Variants in SLC36A2 observed in about 807,000 individuals in gnomAD.
SLC36A2 encodes proton-coupled amino acid transporter 2.
SLC36A2 carries 39 observed loss-of-function variants against 42.7 expected under a neutral mutation model. The ratio of observed to expected loss-of-function variants is 0.91; its 90% CI spans 0.71 to 1.19. The LOEUF is 1.19. Among genes scored for constraint, SLC36A2 ranks in the 50% most tolerant of loss-of-function variants. SLC36A2 has a pLI of 0.00. For missense variants in SLC36A2, 590 were observed against 613.7 expected, an observed-to-expected ratio of 0.96 and a Z score of 0.41; for synonymous variants, 237 against 240.8, an observed-to-expected ratio of 0.98 and a Z score of 0.15.
At chr5:151,335,232 C>A in intron 6 of SLC36A2, 97 bp downstream of exon 6, 3 of 845,244 alleles carry the variant, frequency 3.5e-6, no homozygotes, top group Non-Finnish European at 3.9e-6. Flanking sequence ...ACACTCTTAC[C>A]CACCTACAGG....
At position 151,339,086 on chromosome 5, in the gene SLC36A2, C is replaced by T; in HGVS notation, c.499G>A (p.Val167Met). The part of the protein sequence containing the change: ...TQLGFCCVYI[V>M]FLADNLKQVV... Reference sequence around the variant, plus strand: ...TGTTTTAAATTATCAGCCAAAAACACAATGTACACACAGCAGAAGCCAAGT... The same window carrying T: ...TGTTTTAAATTATCAGCCAAAAACATAATGTACACACAGCAGAAGCCAAGT... Residue 167 changes from valine to methionine, a missense_variant, in exon 5 of 10, where the codon GTG becomes ATG. Transcript: ENST00000335244. 1.6e-5 allele frequency: 25 copies of T among 1,610,568 alleles called. No homozygotes were observed. The highest frequency in any genetic ancestry group is 2.1e-5 in the Non-Finnish European group (25 of 1,177,566).
chr5:151,340,236 GGAGGAGGAGGGGGAAGAA>G (rs1580862678), intron 4 of SLC36A2, among the ~76,000 whole-genome samples: 1 of 148,980 alleles, frequency 6.7e-6, no homozygotes, highest in Non-Finnish European at 1.5e-5. Flanking sequence ...AGGAAGGGGA[GGAGGAGGAGGGGGAAGAA>G]GAGGAGGAGG....
rs1322483849 is a variant in SLC36A2, at chr5:151,316,175, A to C, written c.*642T>G. ...TTAGCTGGCTGCATCTCCTTTGGCC[A>C]GTTGCTGCCACTTGGGGCCCTCTGG... On this transcript the variant is annotated 3_prime_UTR_variant, in exon 10 of 10. Transcript: ENST00000335244. 1 of 153,248 alleles carries C rather than the reference A, an allele frequency of 6.5e-6. No individual in the cohort carries two copies. The highest frequency in any genetic ancestry group is 6.5e-5 in the Admixed American group (1 of 15,422). The allele number at this position is 153,248 out of a possible 1,614,324, so 9.5% of individuals were successfully genotyped here.
chr5:151,323,988 C>G lies in SLC36A2; in HGVS notation c.1010+1298G>C, dbSNP rs1297299343. Among the ~76,000 whole-genome samples the G allele has an allele frequency of 2.6e-5, 4 of 152,312 alleles. No individual in the cohort carries two copies. In the East Asian group the frequency reaches 7.7e-4, roughly 29 times the overall value. Reference sequence around the variant, plus strand: ...AAATGTCCTGTAATTAATGACATGACCTGGTGTGGGAGAAAATCCCGCACA... The same window carrying G: ...AAATGTCCTGTAATTAATGACATGAGCTGGTGTGGGAGAAAATCCCGCACA... On this transcript the variant is annotated intron_variant, in intron 8 of 9. Transcript: ENST00000335244.
At chr5:151,321,143 A>ATTTG (rs1359392391) in intron 9 of SLC36A2, among the ~76,000 whole-genome samples, 1 of 14,458 alleles carries the variant, frequency 6.9e-5, no homozygotes, top group Non-Finnish European at 1.0e-4. Context: ...AGTTCTTATG[A>ATTTG]TTTATTTATT....
intron 3 of SLC36A2, among the ~76,000 whole-genome samples, chr5:151,343,248 A>T (rs1187575942): frequency 1.3e-5 from 2 of 152,088 alleles, no homozygotes; most frequent in East Asian, 3.9e-4. Flanking sequence ...ATCCCATTGG[A>T]TTCTCGTGAC....
At chr5:151,337,844 A>G (rs1756203448) in intron 5 of SLC36A2, among the ~76,000 whole-genome samples, 1 of 152,258 alleles carries the variant, frequency 6.6e-6, no homozygotes, top group Admixed American at 6.5e-5. Flanking sequence ...AGGATATTGC[A>G]AAATACTGAC....
rs370229778 is a variant in SLC36A2, at chr5:151,329,459, C to G, written c.843+3765G>C. ...TCTCATCAACTTTCAAGAGAAAAGACAACAGATGCCAACCTTAAGATGACT... is the reference window on the plus strand; with the variant it reads ...TCTCATCAACTTTCAAGAGAAAAGAGAACAGATGCCAACCTTAAGATGACT... On this transcript the variant is annotated intron_variant, in intron 7 of 9. Transcript: ENST00000335244. 2.0e-3 allele frequency among the ~76,000 whole-genome samples: 309 copies of G among 152,278 alleles called. 1 individual carries two copies. Among genetic ancestry groups the G allele is most frequent in the African/African-American group, 6.8e-3 (284 of 41,568 alleles).
In SLC36A2 at chr5:151,340,046, G is replaced by C. The variant is rs1756275780; in HGVS notation, c.441-902C>G. ...AGAAAGAGAGTTGTGGGGAGGAAGA[G>C]GGAGGGACAAAGAGAGAGAGAAAAA... On this transcript the variant is annotated intron_variant, in intron 4 of 9. Transcript: ENST00000335244. Among the ~76,000 whole-genome samples the C allele has an allele frequency of 2.6e-5, 4 of 151,964 alleles. No individual in the cohort carries two copies. The South Asian group carries it at 8.3e-4, about 32-fold the overall frequency.
intron 4 of SLC36A2, 104 bp downstream of exon 4, chr5:151,342,784 A>G: frequency 1.1e-6 from 1 of 911,752 alleles, no homozygotes; most frequent in Non-Finnish European, 1.8e-6. Flanking sequence ...CATCTAACAT[A>G]GAAGTGCCAA....
At chr5:151,340,191 T>TGGA (rs1276868875) in intron 4 of SLC36A2, among the ~76,000 whole-genome samples, 1 of 23,054 alleles carries the variant, frequency 4.3e-5, no homozygotes, top group South Asian at 1.7e-3. Context: ...GAGGAAGAGG[T>TGGA]GGAGGAGGAG....
intron 4 of SLC36A2, 145 bp from the exon 5 acceptor site, chr5:151,339,289 G>T: frequency 1.7e-6 from 1 of 596,632 alleles, no homozygotes; most frequent in Non-Finnish European, 3.1e-6. Flanking sequence ...AATCAACAAT[G>T]GGGCAAAGAA....
At chr5:151,342,548 T>C (rs1052663026) in intron 4 of SLC36A2, among the ~76,000 whole-genome samples, 20 of 152,254 alleles carry the variant, frequency 1.3e-4, no homozygotes, top group African/African-American at 4.6e-4. Context: ...GGCTGTTTAA[T>C]GTCTGCCTTT....
At chr5:151,333,574 C>T (rs539505458) in intron 6 of SLC36A2, among the ~76,000 whole-genome samples, 20 of 152,202 alleles carry the variant, frequency 1.3e-4, no homozygotes, top group African/African-American at 4.8e-4. Context: ...TATGAAAAAC[C>T]TCCAAAAGGG....
chr5:151,331,610 A>T (rs1755998031), intron 7 of SLC36A2, among the ~76,000 whole-genome samples: 1 of 152,066 alleles, frequency 6.6e-6, no homozygotes, highest in Non-Finnish European at 1.5e-5. Flanking sequence ...GAGCCACCAT[A>T]TCTAGACATG....
rs781265671 is a variant in SLC36A2 at position 151,335,332 on chromosome 5, G to C, written c.741C>G (p.Thr247=). 2 of 1,611,124 alleles carry C rather than the reference G, an allele frequency of 1.2e-6. No homozygotes were observed. Among genetic ancestry groups the C allele is most frequent in the South Asian group, 2.2e-5 (2 of 90,742 alleles). Residue 247 remains threonine, a synonymous_variant, in exon 6 of 10, where the codon ACC becomes ACG. Coordinates refer to ENST00000335244, the MANE Select transcript of SLC36A2 (RefSeq NM_181776.3). The part of the protein sequence containing the change: ...VSLVIIIQYI[T]QEIPDPSRLP... The stretch of plus-strand genomic sequence containing the variant: ...CAGGTGCATGGTGTGCACTCACCTG[G>C]GTAATGTACTGTATGATGATGACCA...
chr5:151,344,206 G>T lies in SLC36A2; in HGVS notation c.226C>A (p.Pro76Thr). Reference protein sequence around the residue: ...GNMGTGILGLPLAVKNAGILM... With the variant: ...GNMGTGILGLTLAVKNAGILM... ...ATGCCCGCGTTCTTCACAGCGAGGGGTAGTCCCAGGATCCCTGTGCCCATG... is the reference window on the plus strand; with the variant it reads ...ATGCCCGCGTTCTTCACAGCGAGGGTTAGTCCCAGGATCCCTGTGCCCATG... Residue 76 changes from proline (P) to threonine (T), a missense_variant, in exon 2 of 10, where the codon CCC (proline) becomes ACC (threonine). Transcript: ENST00000335244. 2.5e-6 allele frequency: 4 copies of T among 1,614,182 alleles called. No homozygotes were observed.
At chr5:151,346,420 C>T (rs962775475) in intron 1 of SLC36A2, among the ~76,000 whole-genome samples, 4 of 152,170 alleles carry the variant, frequency 2.6e-5, no homozygotes, top group African/African-American at 4.8e-5. Flanking sequence ...ACACATCCTC[C>T]GATTTTGTTT....
chr5:151,342,926 G>A lies in SLC36A2; in HGVS notation c.402C>T (p.Asn134=), dbSNP rs745982848. The stretch of plus-strand genomic sequence containing the variant: ...CGTGATTCTGGAGCCAGGCGTTGGG[G>A]TTGGCTTCTAGTCCATGCATCACCG... The part of the protein sequence containing the change: ...GDTVMHGLEA[N]PNAWLQNHAH... Residue 134 remains asparagine, a synonymous_variant, in exon 4 of 10, where the codon AAC becomes AAT. Transcript: ENST00000335244. 7 of 1,614,064 alleles carry A rather than the reference G, an allele frequency of 4.3e-6. No individual in the cohort carries two copies. The African/African-American group carries it at 8.0e-5, about 18-fold the overall frequency.
Sources: gnomAD v4.1 joint callset for allele counts (sites outside exome capture counted in the v4.1 genomes callset) on GRCh38, gnomAD v4.1.1 for gene constraint, MANE v1.5 for transcripts, NCBI Gene and HGNC (gene_info 2026-07-23, HGNC 2026-07-21) for gene names.